Variants in SLC22A24 observed in about 807,000 individuals in gnomAD.
The protein encoded by SLC22A24 is steroid transmembrane transporter SLC22A24.
SLC22A24 carries 53 observed loss-of-function variants against 49.8 expected under a neutral mutation model. The ratio of observed to expected loss-of-function variants is 1.06; its 90% CI spans 0.85 to 1.34. The LOEUF (loss-of-function observed/expected upper bound fraction) is 1.34, where lower values mean the gene tolerates loss of function less well. SLC22A24 is among the 40% of genes most tolerant of loss of function. SLC22A24 has a pLI of 0.00. For missense variants in SLC22A24, 786 were observed against 675.9 expected, an observed-to-expected ratio of 1.16 and a Z score of -1.81; for synonymous variants, 302 against 256.4, an observed-to-expected ratio of 1.18 and a Z score of -1.70.
chr11:63,089,974 G>A (rs549752311), intron 6 of SLC22A24, among the ~76,000 whole-genome samples: 2 of 150,350 alleles, frequency 1.3e-5, no homozygotes, highest in Non-Finnish European at 3.0e-5. Flanking sequence ...CCAGCTACTC[G>A]GGAGGCTGAG....
intron 4 of SLC22A24, among the ~76,000 whole-genome samples, chr11:63,114,286 C>T (rs2087196569): frequency 6.6e-6 from 1 of 152,144 alleles, no homozygotes; most frequent in Admixed American, 6.5e-5. Context: ...TTTCTCTAAA[C>T]TTGCCCTCTC....
In SLC22A24 at chr11:63,143,794, T is replaced by C; in HGVS notation, c.-15A>G. ...TCAAAGCCCATTGAGACTGAACAGG[T>C]GATCCCCAAGAGGAAGCACAATGAC... On this transcript the variant is annotated 5_prime_UTR_variant, in exon 1 of 10. Coordinates refer to ENST00000612278, the MANE Select transcript of SLC22A24 (RefSeq NM_001136506.2). 1 of 1,362,716 alleles carries C rather than the reference T, an allele frequency of 7.3e-7. No individual in the cohort carries two copies. The highest frequency in any genetic ancestry group is 9.5e-7 in the Non-Finnish European group (1 of 1,053,052). 84.4% of individuals were successfully genotyped at this position (1,362,716 alleles called of 1,614,324 possible).
rs560732174 is a variant in SLC22A24 at position 63,111,318 on chromosome 11, G to A, written c.831-7020C>T. Among the ~76,000 whole-genome samples, 9 of 151,940 alleles carry A rather than the reference G, an allele frequency of 5.9e-5. No individual in the cohort carries two copies. In the South Asian group the frequency reaches 1.9e-3, roughly 32 times the overall value. On this transcript the variant is annotated intron_variant, in intron 4 of 9. Transcript: ENST00000612278. ...TATTGGTCTAAAATTCTCTTTTTTT[G>A]TTGTGTCTCTGCCCGGCTTTGGTAT...
Position 63,079,975 on chromosome 11 carries a change from G to A in SLC22A24, c.1624C>T (p.Gln542Ter). The A allele has an allele frequency of 1.3e-6, 2 of 1,545,238 alleles. No individual in the cohort carries two copies. The highest frequency in any genetic ancestry group is 1.8e-6 in the Non-Finnish European group (2 of 1,141,274). The change falls in exon 10 of 10, where the codon CAG (glutamine) becomes TAG (stop). Residue 542 changes from glutamine to a stop codon, truncating the protein, a stop_gained. Coordinates refer to ENST00000612278, the MANE Select transcript of SLC22A24 (RefSeq NM_001136506.2). LOFTEE classifies it high-confidence loss of function. ...GTTACTTTCATGCAAGTATCTTCCT[G>A]CTTTATGTTTCTTGAATCTTTTCTG... ...NDRKDSRNIK[Q>*]EDTCMKVTQF
intron 4 of SLC22A24, among the ~76,000 whole-genome samples, chr11:63,105,404 G>A (rs1216900062): frequency 6.6e-6 from 1 of 152,182 alleles, no homozygotes; most frequent in Non-Finnish European, 1.5e-5. Context: ...TTTCATGAGG[G>A]TCCTGCCCCA....
chr11:63,082,748 C>T (rs982980064), intron 7 of SLC22A24, among the ~76,000 whole-genome samples: 9 of 152,150 alleles, frequency 5.9e-5, no homozygotes, highest in African/African-American at 2.2e-4. Flanking sequence ...AAAAGTGTTG[C>T]ATTTATATGA....
chr11:63,133,101 G>T (rs1456490629), intron 2 of SLC22A24, among the ~76,000 whole-genome samples: 1 of 152,166 alleles, frequency 6.6e-6, no homozygotes, highest in Non-Finnish European at 1.5e-5. Flanking sequence ...AGGCTCAGTG[G>T]GCATGGGACC....
chr11:63,091,744 G>A (rs2087021630), intron 6 of SLC22A24, among the ~76,000 whole-genome samples: 1 of 152,134 alleles, frequency 6.6e-6, no homozygotes, highest in South Asian at 2.1e-4. Context: ...ACTAGGTATT[G>A]ATGGAACATA....
chr11:63,106,480 T>C (rs947561743), intron 4 of SLC22A24, among the ~76,000 whole-genome samples: 3 of 152,102 alleles, frequency 2.0e-5, no homozygotes, highest in Non-Finnish European at 4.4e-5. Context: ...ATGGTATTTC[T>C]AGTTCTAGAT....
At position 63,138,690 on chromosome 11, in the gene SLC22A24, CCTT is replaced by C. The variant is rs1394587515; in HGVS notation, c.403-3925_403-3923del. ...AAAAAGAAATTGGCTTCTGTACTCT[CCTT>C]CTGGGAAAAGCAATAGAAACTGCTC... On this transcript the variant is annotated intron_variant, in intron 1 of 9. Transcript: ENST00000612278. 4.4e-4 allele frequency among the ~76,000 whole-genome samples: 65 copies of C among 148,642 alleles called. 1 individual carries two copies. Among genetic ancestry groups the C allele is most frequent in the Non-Finnish European group, 8.2e-4 (55 of 67,344 alleles).
intron 6 of SLC22A24, among the ~76,000 whole-genome samples, chr11:63,091,292 C>G (rs1210835018): frequency 6.6e-6 from 1 of 152,064 alleles, no homozygotes. Flanking sequence ...AGGGCAAGGA[C>G]CAGAGAGATT....
intron 4 of SLC22A24, among the ~76,000 whole-genome samples, chr11:63,106,185 G>A (rs1236244474): frequency 1.3e-5 from 2 of 148,246 alleles, no homozygotes; most frequent in African/African-American, 5.0e-5. Context: ...TGCGGTGTTT[G>A]GTTTTTTTGT....
chr11:63,139,422 T>C (rs2087398775), intron 1 of SLC22A24, among the ~76,000 whole-genome samples: 1 of 152,194 alleles, frequency 6.6e-6, no homozygotes, highest in Non-Finnish European at 1.5e-5. Flanking sequence ...TACTTTTCAT[T>C]ATGAAAGAGC....
rs547861927 is a variant in SLC22A24 at position 63,121,318 on chromosome 11, A to T, written c.507-1983T>A. Among the ~76,000 whole-genome samples, 33 of 152,328 alleles carry T rather than the reference A, an allele frequency of 2.2e-4. No individual in the cohort carries two copies. The South Asian group carries it at 6.2e-3, about 29-fold the overall frequency. The stretch of plus-strand genomic sequence containing the variant: ...AAAATTAAAGCCTATTAGTAAAAAA[A>T]ATTCTCATAGTAAAGAAACACATAT... On this transcript the variant is annotated intron_variant, in intron 2 of 9. Coordinates refer to ENST00000612278, the MANE Select transcript of SLC22A24 (RefSeq NM_001136506.2).
Position 63,096,105 on chromosome 11 carries a change from A to G in SLC22A24, c.956T>C (p.Leu319Pro). ...CTCCTTCTTCATGGTGGATCTCACA[A>G]GCTTCAGCAACAAAAATAACAACAA... is the stretch of plus-strand genomic sequence containing the variant. ...KNTEETLTTE[L>P]VRSTMKKELD... Residue 319 changes from leucine (L) to proline (P), a missense_variant and splice_region_variant, in exon 6 of 10, where the codon CTT becomes CCT. Leu to Pro is a moderately conservative substitution (Grantham distance 98). Transcript: ENST00000612278. 6.5e-7 allele frequency: 1 copy of G among 1,541,954 alleles called. No homozygotes were observed. The highest frequency in any genetic ancestry group is 8.8e-7 in the Non-Finnish European group (1 of 1,138,240).
chr11:63,111,669 T>G (rs1163486271), intron 4 of SLC22A24, among the ~76,000 whole-genome samples: 2 of 150,758 alleles, frequency 1.3e-5, no homozygotes, highest in East Asian at 3.9e-4. Flanking sequence ...GATGGTAGTT[T>G]GTATTTCTGT....
intron 7 of SLC22A24, among the ~76,000 whole-genome samples, chr11:63,083,034 A>C (rs56290711): frequency 0.017 from 2,647 of 152,030 alleles, 77 homozygotes; most frequent in African/African-American, 0.061. Flanking sequence ...GTGTGTCTGA[A>C]CCATCACGGC....
At chr11:63,091,310 G>A (rs1213347122) in intron 6 of SLC22A24, among the ~76,000 whole-genome samples, 5 of 151,856 alleles carry the variant, frequency 3.3e-5, no homozygotes, top group African/African-American at 7.2e-5. Flanking sequence ...ATTCACAGCC[G>A]AAGTCTACCA....
intron 8 of SLC22A24, 23 bp from the exon 9 acceptor site, chr11:63,081,146 A>C: frequency 6.5e-7 from 1 of 1,540,890 alleles, no homozygotes. Context: ...ATAACAATAC[A>C]AAAAATCTTG....
Sources: allele counts gnomAD v4.1 joint callset (sites outside exome capture counted in the v4.1 genomes callset), GRCh38; gene constraint gnomAD v4.1.1; transcripts MANE v1.5; gene names NCBI Gene and HGNC (gene_info 2026-07-23, HGNC 2026-07-21).